Variants in FRYL observed in about 807,000 individuals in gnomAD.
The protein encoded by FRYL is protein furry homolog-like.
Under a neutral mutation model 351.2 loss-of-function variants are expected in FRYL, and 150 were observed. The observed-to-expected ratio is 0.43, with a 90% CI of 0.37 to 0.49. The LOEUF (loss-of-function observed/expected upper bound fraction) is 0.49. Among genes scored for constraint, FRYL ranks in the 20% least tolerant of loss-of-function variants. The pLI is 0.00. For synonymous variants in FRYL, 1,153 were observed against 1,257.1 expected (o/e 0.92, Z 1.75); for missense variants, 3,036 against 3,619.3 (o/e 0.84, Z 4.13).
In FRYL at chr4:48,656,933, C is replaced by T. The variant is rs1424063000; in HGVS notation, c.-80-22443G>A. 3.3e-5 allele frequency among the ~76,000 whole-genome samples: 5 copies of T among 152,092 alleles called. No homozygotes were observed. In the East Asian group the frequency reaches 9.6e-4, roughly 29 times the overall value. On this transcript the variant is annotated intron_variant, in intron 3 of 63. Transcript: ENST00000358350. Reference sequence around the variant, plus strand: ...TGTGGGCAGAGCCTCATTCTCTCAACTCAATTCTAAAATGTAAAGACTAAA... The same window carrying T: ...TGTGGGCAGAGCCTCATTCTCTCAATTCAATTCTAAAATGTAAAGACTAAA...
intron 1 of FRYL, among the ~76,000 whole-genome samples, chr4:48,749,373 G>C (rs1773020812): frequency 6.6e-6 from 1 of 152,230 alleles, no homozygotes; most frequent in Admixed American, 6.5e-5. Flanking sequence ...CATACAGGCA[G>C]AATGTCAGCT....
rs1245331000 is a variant in FRYL, at chr4:48,710,660, G to A, written c.-345C>T. The A allele has an allele frequency of 2.5e-6, 1 of 398,342 alleles. No homozygotes were observed. Among genetic ancestry groups the A allele is most frequent in the African/African-American group, 2.1e-5 (1 of 48,620 alleles). 24.7% of individuals were successfully genotyped at this position (398,342 alleles called of 1,614,324 possible). On this transcript the variant is annotated 5_prime_UTR_variant, in exon 2 of 64. Coordinates refer to ENST00000358350, the MANE Select transcript of FRYL (RefSeq NM_015030.2). ...ACACTGGTACAAAGCAGTAGTGAGT[G>A]AGTCACCGTGTGTGAAGCAGAATAT...
intron 1 of FRYL, among the ~76,000 whole-genome samples, chr4:48,744,915 T>C (rs1772500926): frequency 6.6e-6 from 1 of 152,158 alleles, no homozygotes; most frequent in Non-Finnish European, 1.5e-5. Flanking sequence ...AAGAATACAA[T>C]ATGAATAGTG....
Position 48,534,701 on chromosome 4 carries a change from A to G in FRYL, c.6565-16T>C. 1 of 1,449,050 alleles carries G rather than the reference A, an allele frequency of 6.9e-7. No individual in the cohort carries two copies. The highest frequency in any genetic ancestry group is 1.4e-5 in the African/African-American group (1 of 70,646). The allele number at this position is 1,449,050 out of a possible 1,614,324, so 89.8% of individuals were successfully genotyped here. A position where few individuals can be genotyped will look rare whatever the true frequency, so the allele number is the denominator to read the frequency against. The stretch of plus-strand genomic sequence containing the variant: ...TCTCTAACAGCTAAAAATAATGTTA[A>G]AAGTAATATTAAAGTATACTTTAAT... On this transcript the variant is annotated splice_polypyrimidine_tract_variant and intron_variant, in intron 48 of 63. Transcript: ENST00000358350.
intron 3 of FRYL, among the ~76,000 whole-genome samples, chr4:48,641,896 C>T (rs1755404981): frequency 6.6e-6 from 1 of 152,084 alleles, no homozygotes; most frequent in South Asian, 2.1e-4. Context: ...TAACTACTTA[C>T]CTATATTTTA....
At chr4:48,571,865 A>G (rs1163390261) in intron 26 of FRYL, 1 of 985,198 alleles carries the variant, frequency 1.0e-6, no homozygotes, top group African/African-American at 1.7e-5. Context: ...CATTCAAGGC[A>G]CATCACTGCA....
intron 17 of FRYL, among the ~76,000 whole-genome samples, chr4:48,590,098 G>A (rs1578246779): frequency 6.6e-6 from 1 of 152,296 alleles, no homozygotes; most frequent in African/African-American, 2.4e-5. Flanking sequence ...CTAAGTTGAA[G>A]AAAGGACAGA....
At chr4:48,615,048 G>A (rs1321416313) in intron 7 of FRYL, among the ~76,000 whole-genome samples, 1 of 151,948 alleles carries the variant, frequency 6.6e-6, no homozygotes, top group Non-Finnish European at 1.5e-5. Flanking sequence ...AGATGGTCTC[G>A]ATCTCCTGAC....
intron 3 of FRYL, among the ~76,000 whole-genome samples, chr4:48,650,983 A>C (rs1246503284): frequency 6.6e-6 from 1 of 152,134 alleles, no homozygotes; most frequent in Non-Finnish European, 1.5e-5. Flanking sequence ...GAGACTGTGG[A>C]TATCAGTACT....
At chr4:48,742,973 A>ATTTTTTTTTTTTTTTG (rs1772269971) in intron 1 of FRYL, among the ~76,000 whole-genome samples, 1 of 81,746 alleles carries the variant, frequency 1.2e-5, no homozygotes, top group Non-Finnish European at 2.3e-5. Flanking sequence ...CGCCTGGATA[A>ATTTTTTTTTTTTTTTG]TTTTTTTTTT....
chr4:48,779,699 G>GGACGCGCGAGAAGGC (rs1776442846), intron 1 of FRYL, among the ~76,000 whole-genome samples: 1 of 151,918 alleles, frequency 6.6e-6, no homozygotes, highest in East Asian at 1.9e-4. Flanking sequence ...GACCAGAGCA[G>GGACGCGCGAGAAGGC]GACGCGCGAG....
chr4:48,585,628 T>C (rs139358402), intron 19 of FRYL, among the ~76,000 whole-genome samples: 16 of 152,334 alleles, frequency 1.1e-4, no homozygotes, highest in African/African-American at 2.6e-4. Flanking sequence ...AACGCAGTCA[T>C]GCGCACTCTA....
chr4:48,573,476 A>G (rs1229048022), intron 25 of FRYL, among the ~76,000 whole-genome samples: 2 of 152,358 alleles, frequency 1.3e-5, no homozygotes, highest in East Asian at 3.9e-4. Flanking sequence ...AGGGAATACT[A>G]CCAATATTTT....
chr4:48,579,392 C>CT (rs1740371103), intron 22 of FRYL, 151 bp from the exon 23 acceptor site: 5 of 610,636 alleles, frequency 8.2e-6, no homozygotes, highest in Non-Finnish European at 5.5e-6. Context: ...TAGAGAATTC[C>CT]TGAAACTGCA....
rs756344200 is a variant in FRYL at position 48,535,737 on chromosome 4, T to C, written c.6484A>G (p.Asn2162Asp). Residue 2162 changes from asparagine (N) to aspartate (D), a missense_variant, in exon 48 of 64, where the codon AAC becomes GAC. Physicochemically the swap from Asn to Asp is conservative, Grantham distance 23. Transcript: ENST00000358350. ...STHTYSRDCS[N>D]WINVVCRYLH... ...TATCTGCACACGACATTGATCCAGT[T>C]AGAACAGTCTCTGGAATACGTGTGT... 1 of 1,611,258 alleles carries C rather than the reference T, an allele frequency of 6.2e-7. No homozygotes were observed. The highest frequency in any genetic ancestry group is 1.1e-5 in the South Asian group (1 of 90,556).
intron 8 of FRYL, 78 bp from the exon 9 acceptor site, chr4:48,609,145 C>A: frequency 1.2e-6 from 1 of 831,076 alleles, no homozygotes; most frequent in South Asian, 1.5e-5. Flanking sequence ...TATGAAAATT[C>A]CTTATCAGAG....
chr4:48,772,294 G>GAT (rs1263157880), intron 1 of FRYL, among the ~76,000 whole-genome samples: 1 of 152,072 alleles, frequency 6.6e-6, no homozygotes, highest in Non-Finnish European at 1.5e-5. Context: ...TAATTCACTT[G>GAT]ATAGTCACAT....
intron 3 of FRYL, among the ~76,000 whole-genome samples, chr4:48,634,761 C>T (rs557875785): frequency 3.3e-5 from 5 of 152,154 alleles, no homozygotes; most frequent in African/African-American, 1.2e-4. Context: ...TGTTGTTGTT[C>T]ATGGTAAATC....
rs775064535 is a variant in FRYL at position 48,505,682 on chromosome 4, T to C, written c.8395-67A>G. On this transcript the variant is annotated intron_variant, in intron 59 of 63. Transcript: ENST00000358350. The stretch of plus-strand genomic sequence containing the variant: ...TGGGTAGTGTAACAGCCTGTCCATA[T>C]ACAACACCAAACTTAAAGTTAACTT... 9.5e-6 allele frequency: 9 copies of C among 946,664 alleles called. No individual in the cohort carries two copies. The Middle Eastern group carries it at 6.5e-4, about 69-fold the overall frequency. 58.6% of individuals were successfully genotyped at this position (946,664 alleles called of 1,614,324 possible).
Sources: allele counts gnomAD v4.1 joint callset (sites outside exome capture counted in the v4.1 genomes callset), GRCh38; gene constraint gnomAD v4.1.1; transcripts MANE v1.5; gene names NCBI Gene and HGNC (gene_info 2026-07-23, HGNC 2026-07-21).